Variants in EXOC4 observed in about 807,000 individuals in gnomAD.
The protein encoded by EXOC4 is SEC8-like 1.
A neutral mutation model predicts 107.2 loss-of-function variants in EXOC4; 71 were observed. The observed-to-expected ratio is 0.66, with a 90% confidence interval of 0.55 to 0.81. EXOC4 has a LOEUF of 0.81. Among genes scored for constraint, EXOC4 ranks in the 30% least tolerant of loss-of-function variants. The pLI, the probability that EXOC4 is intolerant of heterozygous loss-of-function variation, is 0.00. For synonymous variants in EXOC4, 456 were observed against 441.2 expected, an observed-to-expected ratio of 1.03 and a Z score of -0.42; for missense variants, 1,108 against 1,189.6, an observed-to-expected ratio of 0.93 and a Z score of 1.01.
At chr7:133,545,532 C>T (rs1169300282) in intron 9 of EXOC4, among the ~76,000 whole-genome samples, 1 of 152,076 alleles carries the variant, frequency 6.6e-6, no homozygotes, top group Non-Finnish European at 1.5e-5. Context: ...CTTATTTCTT[C>T]CTACACTCAT....
intron 10 of EXOC4, among the ~76,000 whole-genome samples, chr7:133,702,934 C>T (rs1245461832): frequency 6.6e-6 from 1 of 152,182 alleles, no homozygotes; most frequent in African/African-American, 2.4e-5. Context: ...TTATCACAAT[C>T]ACCTTGATTC....
At chr7:133,380,038 A>G (rs1338652606) in intron 7 of EXOC4, among the ~76,000 whole-genome samples, 1 of 151,576 alleles carries the variant, frequency 6.6e-6, no homozygotes, top group Non-Finnish European at 1.5e-5. Flanking sequence ...GAATTGAACA[A>G]TGAGAACACT....
rs544544776 is a variant in EXOC4, at chr7:133,424,893, G to T, written c.1182+49891G>T. Among the ~76,000 whole-genome samples the T allele has an allele frequency of 1.3e-3, 196 of 152,296 alleles. 1 individual carries two copies. Among genetic ancestry groups the T allele is most frequent in the African/African-American group, 4.0e-3 (168 of 41,562 alleles). On this transcript the variant is annotated intron_variant, in intron 7 of 17. Coordinates refer to ENST00000253861, the MANE Select transcript of EXOC4 (RefSeq NM_021807.4). The stretch of plus-strand genomic sequence containing the variant: ...TAAATGACTACCAAAATTCTCTGGA[G>T]GCAAAGCCTGTATAAACTAGGTTGG...
intron 10 of EXOC4, among the ~76,000 whole-genome samples, chr7:133,765,647 A>G (rs1300640899): frequency 6.6e-6 from 1 of 152,066 alleles, no homozygotes. Flanking sequence ...GGCTCATTTT[A>G]GAAATGACCT....
At chr7:133,926,486 G>A (rs1303872719) in intron 13 of EXOC4, among the ~76,000 whole-genome samples, 1 of 152,140 alleles carries the variant, frequency 6.6e-6, no homozygotes, top group Non-Finnish European at 1.5e-5. Flanking sequence ...TATTATACCT[G>A]ATGTATTATA....
Position 133,928,859 on chromosome 7 carries a change from G to A in EXOC4, c.2028-9032G>A, listed in dbSNP as rs114607392. 2.5e-3 allele frequency among the ~76,000 whole-genome samples: 366 copies of A among 148,700 alleles called. 5 individuals are homozygous for A. Among genetic ancestry groups the A allele is most frequent in the African/African-American group, 8.4e-3 (341 of 40,476 alleles). On this transcript the variant is annotated intron_variant, in intron 13 of 17. Coordinates refer to ENST00000253861, the MANE Select transcript of EXOC4 (RefSeq NM_021807.4). Reference sequence around the variant, plus strand: ...CTAAAATTAACATCAACAAGTAGCCGTTTCAACAGATTCTTTAGAGAGATG... The same window carrying A: ...CTAAAATTAACATCAACAAGTAGCCATTTCAACAGATTCTTTAGAGAGATG...
At chr7:133,616,954 G>GC (rs1441576454) in intron 9 of EXOC4, among the ~76,000 whole-genome samples, 3 of 152,082 alleles carry the variant, frequency 2.0e-5, no homozygotes, top group African/African-American at 2.4e-5. Flanking sequence ...CTTCTCATGA[G>GC]CACATCTGGT....
chr7:133,905,814 T>C (rs1450375515), intron 12 of EXOC4, among the ~76,000 whole-genome samples: 9 of 152,132 alleles, frequency 5.9e-5, no homozygotes, highest in Admixed American at 5.9e-4. Context: ...CTAGAACTCA[T>C]GCTGGACATG....
chr7:133,448,246 C>A (rs1410057634), intron 7 of EXOC4, among the ~76,000 whole-genome samples: 3 of 152,092 alleles, frequency 2.0e-5, no homozygotes. Context: ...CCCCACCAGT[C>A]CTATATATTG....
chr7:133,300,949 C>T (rs1392121597), intron 3 of EXOC4, among the ~76,000 whole-genome samples: 1 of 151,936 alleles, frequency 6.6e-6, no homozygotes, highest in Non-Finnish European at 1.5e-5. Flanking sequence ...TAAAAATTTC[C>T]GACTTGGGAA....
chr7:133,498,455 G>C (rs1388149417), intron 9 of EXOC4, among the ~76,000 whole-genome samples: 2 of 152,108 alleles, frequency 1.3e-5, no homozygotes, highest in African/African-American at 4.8e-5. Flanking sequence ...TGTGGTGGCA[G>C]GCACCTGTAG....
intron 7 of EXOC4, among the ~76,000 whole-genome samples, chr7:133,387,629 G>T (rs1796757396): frequency 6.6e-6 from 1 of 152,114 alleles, no homozygotes; most frequent in South Asian, 2.1e-4. Context: ...TTTGTTACTT[G>T]TATGAATTTT....
intron 10 of EXOC4, among the ~76,000 whole-genome samples, chr7:133,713,288 A>G (rs1794931962): frequency 6.6e-6 from 1 of 152,198 alleles, no homozygotes; most frequent in Admixed American, 6.5e-5. Flanking sequence ...TTTATAGTGG[A>G]AGGAATATGG....
At chr7:133,333,631 ATG>A (rs1176225937) in intron 5 of EXOC4, among the ~76,000 whole-genome samples, 3 of 152,066 alleles carry the variant, frequency 2.0e-5, no homozygotes, top group Non-Finnish European at 4.4e-5. Context: ...ATACATCTAT[ATG>A]TATCTATTTC....
intron 12 of EXOC4, among the ~76,000 whole-genome samples, chr7:133,912,679 A>G (rs1799721882): frequency 6.6e-6 from 1 of 152,194 alleles, no homozygotes; most frequent in African/African-American, 2.4e-5. Context: ...TGTGGTAGGC[A>G]CTAGGGACAG....
chr7:133,739,516 T>C (rs1012052170), intron 10 of EXOC4, among the ~76,000 whole-genome samples: 3 of 152,144 alleles, frequency 2.0e-5, no homozygotes, highest in African/African-American at 4.8e-5. Context: ...AGAAGCATCA[T>C]GGAGCTAGAG....
chr7:133,939,948 C>T (rs1380589128), intron 14 of EXOC4, among the ~76,000 whole-genome samples: 2 of 152,178 alleles, frequency 1.3e-5, no homozygotes, highest in Non-Finnish European at 2.9e-5. Context: ...TTTTTCTTTG[C>T]TAATTGCAAA....
In EXOC4 at chr7:133,662,444, G is replaced by C. The variant is rs575942279; in HGVS notation, c.1514+32303G>C. Among the ~76,000 whole-genome samples the C allele has an allele frequency of 2.0e-5, 3 of 152,234 alleles. No homozygotes were observed. The East Asian group carries it at 5.8e-4, about 29-fold the overall frequency. On this transcript the variant is annotated intron_variant, in intron 10 of 17. Coordinates refer to ENST00000253861, the MANE Select transcript of EXOC4 (RefSeq NM_021807.4). The stretch of plus-strand genomic sequence containing the variant: ...GGAAATTATCAGATATAGAGATTAT[G>C]TGTCTTTAGGGACTTTGACAAGAAC...
intron 9 of EXOC4, among the ~76,000 whole-genome samples, chr7:133,543,983 AG>A (rs1800431442): frequency 1.3e-5 from 2 of 152,176 alleles, no homozygotes; most frequent in African/African-American, 4.8e-5. Flanking sequence ...AGCATTACTT[AG>A]AAAATTTTGA....
Sources: gnomAD v4.1 joint callset for allele counts (sites outside exome capture counted in the v4.1 genomes callset) on GRCh38, gnomAD v4.1.1 for gene constraint, MANE v1.5 for transcripts, NCBI Gene and HGNC (gene_info 2026-07-23, HGNC 2026-07-21) for gene names.